Variants in PTPA observed in about 807,000 individuals in gnomAD.
PTPA encodes the protein protein phosphatase 2 phosphatase activator.
A neutral mutation model predicts 43.6 loss-of-function variants in PTPA; 13 were observed. The ratio of observed to expected loss-of-function variants is 0.30; its 90% confidence interval spans 0.19 to 0.47. The LOEUF (loss-of-function observed/expected upper bound fraction) is 0.47. Among genes scored for constraint, PTPA ranks in the 20% least tolerant of loss-of-function variants. The pLI is 0.99. For missense variants in PTPA, 329 were observed against 411.9 expected, an observed-to-expected ratio of 0.80 and a Z score of 1.74; for synonymous variants, 172 against 158.2, an observed-to-expected ratio of 1.09 and a Z score of -0.66.
chr9:129,118,381 T>G (rs111352119), intron 1 of PTPA, among the ~76,000 whole-genome samples: 1 of 151,052 alleles, frequency 6.6e-6, no homozygotes, highest in African/African-American at 2.4e-5. Context: ...TAATAAAAAA[T>G]TTTTTTATTT....
chr9:129,120,338 C>T lies in PTPA; in HGVS notation c.32-175C>T, dbSNP rs1256416910. On this transcript the variant is annotated intron_variant, in intron 1 of 9. Transcript: ENST00000393370. ...ACTCAGGAGACTGAGGCAGGAGAAT[C>T]GCTTGAACCCTGGAGGTGGAGGTTG... is the stretch of plus-strand genomic sequence containing the variant. Among the ~76,000 whole-genome samples, 5 of 151,110 alleles carry T rather than the reference C, an allele frequency of 3.3e-5. 1 individual carries two copies. The South Asian group carries it at 8.4e-4, about 25-fold the overall frequency.
intron 3 of PTPA, among the ~76,000 whole-genome samples, chr9:129,128,536 CA>C (rs35647247): frequency 0.43 from 50,775 of 117,240 alleles, 9,341 homozygotes; most frequent in African/African-American, 0.56. Context: ...AACTCTGTCT[CA>C]AAAAAAAAAA....
At position 129,142,571 on chromosome 9, in the gene PTPA, G is replaced by A. The variant is rs3904184; in HGVS notation, c.894+19G>A. On this transcript the variant is annotated intron_variant, in intron 9 of 9. Coordinates refer to ENST00000393370, the MANE Select transcript of PTPA (RefSeq NM_178000.3). Reference sequence around the variant, plus strand: ...GGCCGAGGTGAGTGGGGGCTGGCCAGTGTGCCCGTCCCTGCTGCCGCACTT... The same window carrying A: ...GGCCGAGGTGAGTGGGGGCTGGCCAATGTGCCCGTCCCTGCTGCCGCACTT... The A allele has an allele frequency of 0.02, 32,385 of 1,613,816 alleles. 5,129 individuals are homozygous for A. The African/African-American group carries it at 0.36, about 18-fold the overall frequency.
chr9:129,117,327 G>A (rs183123232), intron 1 of PTPA, among the ~76,000 whole-genome samples: 69 of 152,290 alleles, frequency 4.5e-4, no homozygotes, highest in African/African-American at 1.0e-3. Flanking sequence ...GATTATAGGC[G>A]GGAGGCACTG....
chr9:129,142,114 T>G, intron 8 of PTPA: 1 of 244,878 alleles, frequency 4.1e-6, no homozygotes. Flanking sequence ...GGCTGCTGGA[T>G]TTGGTGGGCG....
intron 9 of PTPA, chr9:129,142,753 C>T (rs760322879): frequency 3.3e-6 from 5 of 1,536,522 alleles, no homozygotes; most frequent in Non-Finnish European, 4.4e-6. Flanking sequence ...GCACCAGCCA[C>T]CCCAGCCCCG....
At chr9:129,140,927 GGT>G (rs769069864) in intron 8 of PTPA, among the ~76,000 whole-genome samples, 10 of 152,122 alleles carry the variant, frequency 6.6e-5, no homozygotes, top group Non-Finnish European at 1.3e-4. Flanking sequence ...GAGAGCCTGG[GGT>G]GATTCTGAGT....
intron 3 of PTPA, chr9:129,128,188 C>A: frequency 2.0e-6 from 1 of 493,498 alleles, no homozygotes; most frequent in Non-Finnish European, 3.7e-6. Context: ...CCAGGCCCAC[C>A]ATGCTAAACC....
In PTPA at chr9:129,148,657, A is replaced by AG. The variant is rs1851445133; in HGVS notation, c.*1195dup. 1 of 152,802 alleles carries AG rather than the reference A, an allele frequency of 6.5e-6. No homozygotes were observed. Among genetic ancestry groups the AG allele is most frequent in the East Asian group, 1.9e-4 (1 of 5,190 alleles). 9.5% of individuals were successfully genotyped at this position (152,802 alleles called of 1,614,324 possible). A position where few individuals can be genotyped will look rare whatever the true frequency, so the allele number is the denominator to read the frequency against. ...CCTGGCTCTTACAGGCTCGTCCCCCAGGCCTGCCCTTCTCCACTGCCCCCT... is the reference window on the plus strand; with the variant it reads ...CCTGGCTCTTACAGGCTCGTCCCCCAGGGCCTGCCCTTCTCCACTGCCCCCT... On this transcript the variant is annotated 3_prime_UTR_variant, in exon 10 of 10. Transcript: ENST00000393370.
intron 4 of PTPA, among the ~76,000 whole-genome samples, 172 bp from the exon 5 acceptor site, chr9:129,131,350 C>T (rs1269554789): frequency 6.6e-6 from 1 of 152,358 alleles, no homozygotes; most frequent in South Asian, 2.1e-4. Context: ...TAGTCTTCTG[C>T]TGTGGAAGAA....
At chr9:129,140,714 A>G (rs1850731852) in intron 8 of PTPA, among the ~76,000 whole-genome samples, 1 of 149,654 alleles carries the variant, frequency 6.7e-6, no homozygotes, top group South Asian at 2.1e-4. Flanking sequence ...GAAACTGGTT[A>G]CACAGCTCCA....
In PTPA at chr9:129,131,408, C is replaced by G. The variant is rs780427678; in HGVS notation, c.343-114C>G. ...TTCTGTGGCCTGTCAGAACAGGAAC[C>G]AAGCTGGCCTGGCAAGGCAGTGTGG... On this transcript the variant is annotated intron_variant, in intron 4 of 9. Coordinates refer to ENST00000393370, the MANE Select transcript of PTPA (RefSeq NM_178000.3). The G allele has an allele frequency of 7.0e-6, 6 of 853,314 alleles. 1 individual carries two copies. The highest frequency in any genetic ancestry group is 4.5e-5 in the South Asian group (3 of 66,690). 52.9% of individuals were successfully genotyped at this position (853,314 alleles called of 1,614,324 possible).
chr9:129,147,341 T>C (rs1210112357), intron 9 of PTPA, 46 bp from the exon 10 acceptor site: 1 of 1,572,016 alleles, frequency 6.4e-7, no homozygotes, highest in Non-Finnish European at 8.7e-7. Context: ...CTGGCAGGGG[T>C]GTGGTGTGGC....
chr9:129,145,331 GAAAA>G (rs758902038), intron 9 of PTPA, among the ~76,000 whole-genome samples: 3 of 133,366 alleles, frequency 2.2e-5, no homozygotes, highest in Non-Finnish European at 5.0e-5. Context: ...TCCATCTCAG[GAAAA>G]AAAAAAAAAA....
chr9:129,142,952 C>T (rs777057054), intron 9 of PTPA: 3 of 1,410,540 alleles, frequency 2.1e-6, no homozygotes, highest in Non-Finnish European at 2.8e-6. Flanking sequence ...TTGGAGGCAT[C>T]TCCAAAGTGC....
chr9:129,142,207 T>C (rs1337694824), intron 8 of PTPA: 2 of 423,140 alleles, frequency 4.7e-6, no homozygotes, highest in African/African-American at 4.1e-5. Flanking sequence ...TATATTTTCC[T>C]AGCAGGCCTT....
intron 3 of PTPA, among the ~76,000 whole-genome samples, chr9:129,125,653 C>T (rs1312870956): frequency 6.6e-6 from 1 of 152,106 alleles, no homozygotes; most frequent in African/African-American, 2.4e-5. Context: ...TCATTTTTGA[C>T]CCTCTGTTTC....
chr9:129,131,192 T>TG (rs903227528), intron 4 of PTPA, among the ~76,000 whole-genome samples: 1 of 152,196 alleles, frequency 6.6e-6, no homozygotes, highest in African/African-American at 2.4e-5. Context: ...GTGGCCTGTG[T>TG]GGGAATCATA....
At chr9:129,131,278 C>T (rs1462250878) in intron 4 of PTPA, among the ~76,000 whole-genome samples, 1 of 152,158 alleles carries the variant, frequency 6.6e-6, no homozygotes, top group Non-Finnish European at 1.5e-5. Flanking sequence ...TTCCAGATTC[C>T]TCCTGTTTTG....
Sources: allele counts gnomAD v4.1 joint callset (sites outside exome capture counted in the v4.1 genomes callset), GRCh38; gene constraint gnomAD v4.1.1; transcripts MANE v1.5; gene names NCBI Gene and HGNC (gene_info 2026-07-23, HGNC 2026-07-21).